IQCM: variants seen among roughly 807,000 people sequenced by gnomAD.
The protein encoded by IQCM is IQ domain-containing protein M.
A neutral mutation model predicts 57.6 loss-of-function variants in IQCM; 45 were observed. The observed-to-expected ratio is 0.78, with a 90% CI of 0.62 to 1.00. IQCM has a LOEUF of 1.00. Among genes scored for constraint, IQCM ranks in the 50% least tolerant of loss-of-function variants. The pLI is 0.00. For missense variants in IQCM, 468 were observed against 511.6 expected (o/e 0.91, Z 0.82); for synonymous variants, 148 against 158.9 (o/e 0.93, Z 0.51).
intron 13 of IQCM, among the ~76,000 whole-genome samples, chr4:149,387,930 A>T (rs1464392711): frequency 6.6e-5 from 10 of 151,976 alleles, no homozygotes; most frequent in Non-Finnish European, 1.2e-4. Context: ...CATAAATGGG[A>T]TCATGTAATA....
At chr4:149,437,201 T>G (rs1012587457) in intron 12 of IQCM, among the ~76,000 whole-genome samples, 1 of 152,068 alleles carries the variant, frequency 6.6e-6, no homozygotes, top group Non-Finnish European at 1.5e-5. Context: ...TAGTTACGAG[T>G]GAACTGGTGG....
intron 8 of IQCM, among the ~76,000 whole-genome samples, chr4:149,597,181 T>C (rs377418866): frequency 2.0e-5 from 3 of 151,790 alleles, no homozygotes; most frequent in Admixed American, 6.6e-5. Flanking sequence ...GGAAATTCAG[T>C]GAATAACAAA....
intron 9 of IQCM, among the ~76,000 whole-genome samples, chr4:149,567,420 C>T (rs1008609916): frequency 1.4e-4 from 22 of 152,062 alleles, no homozygotes; most frequent in Admixed American, 2.0e-4. Context: ...GATCTACTCT[C>T]ACCACAACCT....
chr4:149,622,546 T>C (rs985789325), intron 7 of IQCM, among the ~76,000 whole-genome samples: 13 of 152,252 alleles, frequency 8.5e-5, no homozygotes, highest in African/African-American at 3.1e-4. Context: ...GGTTTCACAG[T>C]GTTAGCCAGG....
intron 13 of IQCM, among the ~76,000 whole-genome samples, chr4:149,368,853 CAT>C (rs36100791): frequency 0.08 from 4,621 of 57,802 alleles, 1,394 homozygotes; most frequent in South Asian, 0.16. Flanking sequence ...CATATATATA[CAT>C]GTATATATAT....
chr4:149,611,169 C>A (rs959971521), intron 8 of IQCM, among the ~76,000 whole-genome samples: 4 of 151,892 alleles, frequency 2.6e-5, no homozygotes, highest in African/African-American at 9.7e-5. Context: ...TCATCTCAAC[C>A]CAGTAAAAAT....
At position 149,673,809 on chromosome 4, in the gene IQCM, A is replaced by C. The variant is rs1392173876; in HGVS notation, c.565+8309T>G. Among the ~76,000 whole-genome samples, 4 of 152,110 alleles carry C rather than the reference A, an allele frequency of 2.6e-5. 1 individual carries two copies. Among genetic ancestry groups the C allele is most frequent in the Non-Finnish European group, 5.9e-5 (4 of 68,020 alleles). On this transcript the variant is annotated intron_variant, in intron 7 of 13. Transcript: ENST00000636793. Reference sequence around the variant, plus strand: ...CTACAGAACTCTCCACCCCAAATCAACAGAATATACATTCTTCTCAGAACC... The same window carrying C: ...CTACAGAACTCTCCACCCCAAATCACCAGAATATACATTCTTCTCAGAACC...
At chr4:149,779,149 C>T (rs918213750) in intron 2 of IQCM, among the ~76,000 whole-genome samples, 3 of 152,028 alleles carry the variant, frequency 2.0e-5, no homozygotes, top group Non-Finnish European at 4.4e-5. Flanking sequence ...GAGTTTATTC[C>T]AGTGATTCAA....
chr4:149,387,259 C>T (rs1325168770), intron 13 of IQCM, among the ~76,000 whole-genome samples: 3 of 152,000 alleles, frequency 2.0e-5, no homozygotes, highest in African/African-American at 7.2e-5. Context: ...TAATCCCATT[C>T]ATAAGGGCTT....
chr4:149,610,460 C>G (rs1048736310), intron 8 of IQCM, among the ~76,000 whole-genome samples: 1 of 151,998 alleles, frequency 6.6e-6, no homozygotes, highest in African/African-American at 2.4e-5. Context: ...CATTGCATTA[C>G]CTGACTTCAA....
intron 12 of IQCM, among the ~76,000 whole-genome samples, chr4:149,531,712 T>A (rs370335146): frequency 1.3e-5 from 2 of 152,118 alleles, no homozygotes; most frequent in Non-Finnish European, 2.9e-5. Context: ...GCCATCAGTT[T>A]TTAAAATTAG....
At chr4:149,726,070 TAAAAGAAAGAAAGAAAGAAA>T (rs1561203470) in intron 5 of IQCM, among the ~76,000 whole-genome samples, 1 of 55,584 alleles carries the variant, frequency 1.8e-5, no homozygotes, top group African/African-American at 9.3e-5. Context: ...CTCTTCCCTC[TAAAAGAAAGAAAGAAAGAAA>T]GAAAGAAAGA....
Position 149,414,683 on chromosome 4 carries a change from A to C in IQCM, c.1390+18713T>G, listed in dbSNP as rs557663008. ...TTTTTCAATTATATAACTAAGATTT[A>C]TGTCATTAATCTTTATAAGTAAAAA... On this transcript the variant is annotated intron_variant, in intron 13 of 13. Transcript: ENST00000636793. Among the ~76,000 whole-genome samples, 38 of 152,158 alleles carry C rather than the reference A, an allele frequency of 2.5e-4. No homozygotes were observed. The Middle Eastern group carries it at 0.01, about 41-fold the overall frequency.
At chr4:149,763,097 T>C (rs1017472365) in intron 2 of IQCM, among the ~76,000 whole-genome samples, 3 of 152,102 alleles carry the variant, frequency 2.0e-5, no homozygotes, top group Non-Finnish European at 4.4e-5. Context: ...TAATCTAATA[T>C]TGGCCTTCAT....
chr4:149,401,874 A>G (rs1029570176), intron 13 of IQCM, among the ~76,000 whole-genome samples: 1 of 151,802 alleles, frequency 6.6e-6, no homozygotes, highest in African/African-American at 2.4e-5. Context: ...GGTTGATTAG[A>G]TTCTAGGATA....
chr4:149,570,366 G>T (rs536328745), intron 9 of IQCM, among the ~76,000 whole-genome samples: 1 of 152,090 alleles, frequency 6.6e-6, no homozygotes, highest in African/African-American at 2.4e-5. Flanking sequence ...TAATCTTTAC[G>T]TGAAAATGAT....
At chr4:149,812,270 C>A (rs191511844) in intron 2 of IQCM, among the ~76,000 whole-genome samples, 1,581 of 152,052 alleles carry the variant, frequency 0.01, 110 homozygotes, top group East Asian at 0.011. Flanking sequence ...AAGGGCAAAT[C>A]CTTTGTTGTG....
intron 5 of IQCM, among the ~76,000 whole-genome samples, chr4:149,695,712 AGATGAGATAGG>A (rs1448205278): frequency 4.6e-5 from 7 of 152,160 alleles, no homozygotes; most frequent in Non-Finnish European, 1.0e-4. Context: ...AATACATAAT[AGATGAGATAGG>A]TTCCTGGCAG....
intron 12 of IQCM, among the ~76,000 whole-genome samples, chr4:149,445,715 G>C (rs1736433199): frequency 6.6e-6 from 1 of 151,702 alleles, no homozygotes; most frequent in African/African-American, 2.4e-5. Flanking sequence ...ACGGCTAACA[G>C]CTGTTTCTCT....
Sources: gnomAD v4.1 joint callset for allele counts (sites outside exome capture counted in the v4.1 genomes callset) on GRCh38, gnomAD v4.1.1 for gene constraint, MANE v1.5 for transcripts, NCBI Gene and HGNC (gene_info 2026-07-23, HGNC 2026-07-21) for gene names.